The following PRAMEF14 variants were observed in gnomAD, a reference collection of about 807,000 sequenced individuals.
PRAMEF14 encodes the protein PRAME family member 14.
Under a neutral mutation model 38.3 loss-of-function variants are expected in PRAMEF14, and 24 were observed. That is an observed-to-expected ratio of 0.63 (90% CI 0.45 to 0.88). The LOEUF is 0.88. PRAMEF14 is among the 40% of genes least tolerant of loss of function. The probability of loss-of-function intolerance (pLI) is 0.00; values close to 1 mark genes in which losing one functional copy is unlikely to be tolerated. For synonymous variants in PRAMEF14, 194 were observed against 226.4 expected, an observed-to-expected ratio of 0.86 and a Z score of 1.29; for missense variants, 477 against 570.8, an observed-to-expected ratio of 0.84 and a Z score of 1.67.
chr1:13,343,848 T>G, intron 3 of PRAMEF14, 190 bp downstream of exon 3: 4 of 1,503,634 alleles, frequency 2.7e-6, no homozygotes, highest in Non-Finnish European at 3.6e-6. Context: ...CCCTCTGCCC[T>G]TATTGGAGCG....
chr1:13,344,911 C>G lies in PRAMEF14; in HGVS notation c.287+117G>C, dbSNP rs1362182837. The G allele has an allele frequency of 1.6e-4, 254 of 1,548,674 alleles. 5 individuals carry two copies. The African/African-American group carries it at 3.1e-3, about 19-fold the overall frequency. On this transcript the variant is annotated intron_variant, in intron 2 of 3. Transcript: ENST00000334600. ...CAATGGCCAAAGTCTCCCTGATCTT[C>G]CTCGCCAACACCATCAGAAGACTCT...
At chr1:13,343,449 C>T (rs1474892092) in intron 3 of PRAMEF14, 62 of 562,598 alleles carry the variant, frequency 1.1e-4, no homozygotes, top group African/African-American at 2.3e-4. Flanking sequence ...GGCTACATGT[C>T]GGCAGGGGCT....
At chr1:13,343,496 T>A in intron 3 of PRAMEF14, 1 of 1,123,622 alleles carries the variant, frequency 8.9e-7, no homozygotes, top group African/African-American at 1.6e-5. Context: ...AACTGTCACT[T>A]TTTACCACTC....
rs1268745944 is a variant in PRAMEF14 at position 13,344,335 on chromosome 1, G to A, written c.569C>T (p.Thr190Met). The change falls in exon 3 of 4, where the codon ACG (threonine) becomes ATG (methionine). Residue 190 changes from threonine to methionine, a missense_variant. Coordinates refer to ENST00000334600, the MANE Select transcript of PRAMEF14 (RefSeq NM_001024661.2). ...LCCSKLVNYL[T>M]PIKHLRKSLK... ...TGACTTTCTGAGATGTTTAATCGGCGTTAGATAATTGACCAGCTTACTACA... is the reference window on the plus strand; with the variant it reads ...TGACTTTCTGAGATGTTTAATCGGCATTAGATAATTGACCAGCTTACTACA... 2.7e-5 allele frequency: 43 copies of A among 1,607,662 alleles called. No homozygotes were observed. Among genetic ancestry groups the A allele is most frequent in the Middle Eastern group, 3.5e-4 (2 of 5,692 alleles).
rs1416379441 is a variant in PRAMEF14 at position 13,344,724 on chromosome 1, TTC to T, written c.288-110_288-109del. The T allele has an allele frequency of 1.3e-5, 19 of 1,493,604 alleles. 2 individuals are homozygous for T. The highest frequency in any genetic ancestry group is 1.7e-5 in the Non-Finnish European group (19 of 1,098,376). The allele number at this position is 1,493,604 out of a possible 1,614,324, so 92.5% of individuals were successfully genotyped here. Reference sequence around the variant, plus strand: ...CTGCTCCTGTCCTCAGTGCTCCCTGTTCTCTTTGTCTTTTCTCAATCCCTGTT... The same window carrying T: ...CTGCTCCTGTCCTCAGTGCTCCCTGTTCTTTGTCTTTTCTCAATCCCTGTT... On this transcript the variant is annotated intron_variant, in intron 2 of 3. Transcript: ENST00000334600.
intron 1 of PRAMEF14, among the ~76,000 whole-genome samples, chr1:13,346,840 G>A (rs1431335201): frequency 2.7e-5 from 4 of 150,416 alleles, no homozygotes; most frequent in Admixed American, 2.0e-4. Flanking sequence ...TAAAAAACCT[G>A]CTTCGATAAG....
rs1371217577 is a variant in PRAMEF14 at position 13,346,235 on chromosome 1, C to T, written c.-26+822G>A. ...TAGAAATGCTAACTGTAGCTGGGCG[C>T]GGTGGCTCACTCCTGTAATCCCAGC... On this transcript the variant is annotated intron_variant, in intron 1 of 3. Coordinates refer to ENST00000334600, the MANE Select transcript of PRAMEF14 (RefSeq NM_001024661.2). Among the ~76,000 whole-genome samples the T allele has an allele frequency of 3.7e-3, 540 of 144,522 alleles. 33 individuals carry two copies. In the East Asian group the frequency reaches 0.067, roughly 18 times the overall value. The allele number at this position is 144,522 out of a possible 152,430, so 94.8% of individuals were successfully genotyped here.
At chr1:13,346,959 CAG>C (rs1640411579) in intron 1 of PRAMEF14, 96 bp downstream of exon 1, 1 of 149,894 alleles carries the variant, frequency 6.7e-6, no homozygotes, top group Non-Finnish European at 1.5e-5. Flanking sequence ...ACGAAACAGA[CAG>C]AAAAATATTG....
chr1:13,345,339 T>C lies in PRAMEF14; in HGVS notation c.-25A>G. ...TCCTGATAGATCTGCAAGAAAAATC[T>C]CTAGAAGACAAATCCAGGGAAAATG... On this transcript the variant is annotated splice_region_variant and 5_prime_UTR_variant, in exon 2 of 4. Coordinates refer to ENST00000334600, the MANE Select transcript of PRAMEF14 (RefSeq NM_001024661.2). 6.2e-7 allele frequency: 1 copy of C among 1,603,286 alleles called. No individual in the cohort carries two copies. The highest frequency in any genetic ancestry group is 8.5e-7 in the Non-Finnish European group (1 of 1,176,650).
rs1479117413 is a variant in PRAMEF14, at chr1:13,344,131, T to C, written c.773A>G (p.Lys258Arg). 4.0e-5 allele frequency: 65 copies of C among 1,606,368 alleles called. 2 individuals are homozygous for C. The highest frequency in any genetic ancestry group is 1.7e-4 in the Middle Eastern group (1 of 6,036). ...CAGCCTGAGGAACACAGAGCTGAAT[T>C]TGGTGACTAACCGTCCTTCGAGTTC... ...DNELEGRLVT[K>R]FSSVFLRLEH... Residue 258 changes from lysine (K) to arginine (R), a missense_variant, in exon 3 of 4, where the codon AAA becomes AGA. This residue lies in a region of PRAMEF14 where 234 missense variants were observed against 247.4 expected (regional missense o/e 0.95). Transcript: ENST00000334600.
In PRAMEF14 at chr1:13,344,329, A is replaced by G; in HGVS notation, c.575T>C (p.Ile192Thr). The G allele has an allele frequency of 1.9e-6, 3 of 1,607,970 alleles. No homozygotes were observed. In the Admixed American group the frequency reaches 5.0e-5, roughly 27 times the overall value. Residue 192 changes from isoleucine to threonine, a missense_variant, in exon 3 of 4, where the codon ATT (isoleucine) becomes ACT (threonine). Ile to Thr is a moderately conservative substitution (Grantham distance 89). This residue lies in a region of PRAMEF14 where 234 missense variants were observed against 247.4 expected (regional missense o/e 0.95). Transcript: ENST00000334600. ...TTTCAATGACTTTCTGAGATGTTTA[A>G]TCGGCGTTAGATAATTGACCAGCTT... ...CSKLVNYLTP[I>T]KHLRKSLKII...
At chr1:13,343,868 T>C in intron 3 of PRAMEF14, 170 bp downstream of exon 3, 1 of 1,497,122 alleles carries the variant, frequency 6.7e-7, no homozygotes, top group Non-Finnish European at 9.0e-7. Context: ...GTTCCTGTGA[T>C]AGCCACTCCA....
At chr1:13,346,219 T>C (rs1405739305) in intron 1 of PRAMEF14, among the ~76,000 whole-genome samples, 1 of 150,976 alleles carries the variant, frequency 6.6e-6, no homozygotes, top group South Asian at 2.1e-4. Flanking sequence ...ATAGAAATGC[T>C]AACTGTAGCT....
In PRAMEF14 at chr1:13,342,227, G is replaced by A. The variant is rs1553125278; in HGVS notation, c.*301C>T. ...CTGTTATGTTTTTTTCCCTCACACT[G>A]AGCACTTCCCTGTGCTTCCTTTAAG... On this transcript the variant is annotated 3_prime_UTR_variant, in exon 4 of 4. Coordinates refer to ENST00000334600, the MANE Select transcript of PRAMEF14 (RefSeq NM_001024661.2). 2.2e-6 allele frequency: 1 copy of A among 464,454 alleles called. No homozygotes were observed. The highest frequency in any genetic ancestry group is 3.7e-6 in the Non-Finnish European group (1 of 270,110). The allele number at this position is 464,454 out of a possible 1,614,324, so 28.8% of individuals were successfully genotyped here.
Position 13,342,784 on chromosome 1 carries a change from G to A in PRAMEF14, c.1169C>T (p.Ser390Phe), listed in dbSNP as rs1415616452. 6.2e-7 allele frequency: 1 copy of A among 1,604,322 alleles called. No homozygotes were observed. The highest frequency in any genetic ancestry group is 1.7e-5 in the Admixed American group (1 of 59,834). ...CAACAGGTCCTTCAGGGCACCCATA[G>A]ACATACAATTTCTGCCAAAGTAGAA... ...TTFYFGRNCM[S>F]MGALKDLLCH... The change falls in exon 4 of 4, where the codon TCT (serine) becomes TTT (phenylalanine). Residue 390 changes from serine to phenylalanine, a missense_variant. Ser to Phe is a radical substitution (Grantham distance 155). Coordinates refer to ENST00000334600, the MANE Select transcript of PRAMEF14 (RefSeq NM_001024661.2).
rs1258501847 is a variant in PRAMEF14, at chr1:13,342,521, G to A, written c.*7C>T. On this transcript the variant is annotated 3_prime_UTR_variant, in exon 4 of 4. Transcript: ENST00000334600. Reference sequence around the variant, plus strand: ...TGGATTTCTCTACCCCGCTAGGCACGCCTTCCCTAGCAGCAAAGATGGAGC... The same window carrying A: ...TGGATTTCTCTACCCCGCTAGGCACACCTTCCCTAGCAGCAAAGATGGAGC... 58 of 1,604,760 alleles carry A rather than the reference G, an allele frequency of 3.6e-5. 3 individuals are homozygous for A. Among genetic ancestry groups the A allele is most frequent in the Admixed American group, 6.7e-5 (4 of 59,874 alleles).
At position 13,342,601 on chromosome 1, in the gene PRAMEF14, A is replaced by T. The variant is rs764986347; in HGVS notation, c.1352T>A (p.Phe451Tyr). The T allele has an allele frequency of 2.5e-6, 4 of 1,604,494 alleles. No individual in the cohort carries two copies. The South Asian group carries it at 4.4e-5, about 18-fold the overall frequency. ...GGAAGGGCAGGGGGTGGGACCAATG[A>T]AGATCCTCTTGGGCTGCCTGACTTC... is the stretch of plus-strand genomic sequence containing the variant. The part of the protein sequence containing the change: ...LREVRQPKRI[F>Y]IGPTPCPSCG... Residue 451 changes from phenylalanine to tyrosine, a missense_variant, in exon 4 of 4, where the codon TTC becomes TAC. This residue lies in a region of PRAMEF14 where 151 missense variants were observed against 137.4 expected (regional missense o/e 1.10). Transcript: ENST00000334600.
intron 1 of PRAMEF14, 48 bp downstream of exon 1, chr1:13,347,005 ACTGG>A (rs1330895109): frequency 2.0e-5 from 3 of 149,970 alleles, no homozygotes; most frequent in African/African-American, 7.3e-5. Flanking sequence ...ACCGTCCCTG[ACTGG>A]CTGGCTGCTG....
In PRAMEF14 at chr1:13,344,235, C is replaced by T. The variant is rs1640370883; in HGVS notation, c.669G>A (p.Lys223=). 2 of 1,608,658 alleles carry T rather than the reference C, an allele frequency of 1.2e-6. No individual in the cohort carries two copies. Among genetic ancestry groups the T allele is most frequent in the Non-Finnish European group, 1.7e-6 (2 of 1,178,642 alleles). ...RNMSWPRLIR[K]LRCYLKEMKN... ...TCATCTCCTTCAGGTAACAACGAAGCTTTCTTATCAGACGTGGCCAGGACA... is the reference window on the plus strand; with the variant it reads ...TCATCTCCTTCAGGTAACAACGAAGTTTTCTTATCAGACGTGGCCAGGACA... Residue 223 remains lysine (K), a synonymous_variant, in exon 3 of 4, where the codon AAG becomes AAA. Transcript: ENST00000334600.
Sources: allele counts gnomAD v4.1 joint callset (sites outside exome capture counted in the v4.1 genomes callset), GRCh38; gene constraint gnomAD v4.1.1; regional missense constraint gnomAD v4.1.1; transcripts MANE v1.5; gene names NCBI Gene and HGNC (gene_info 2026-07-23, HGNC 2026-07-21).